EPHA6: variants seen among roughly 807,000 people sequenced by gnomAD.
EPHA6 encodes EPH receptor A6, also known as ephrin type-A receptor 6.
A neutral mutation model predicts 112.0 loss-of-function variants in EPHA6; 50 were observed. The observed-to-expected ratio is 0.45, with a 90% CI of 0.36 to 0.56. The LOEUF (loss-of-function observed/expected upper bound fraction) is 0.56. Among genes scored for constraint, EPHA6 ranks in the 20% least tolerant of loss-of-function variants. The pLI is 0.00. For missense variants in EPHA6, 1,280 were observed against 1,417.4 expected (o/e 0.90, Z 1.56); for synonymous variants, 529 against 490.7 (o/e 1.08, Z -1.03).
chr3:96,928,390 A>G, intron 2 of EPHA6, among the ~76,000 whole-genome samples: 1 of 152,242 alleles, frequency 6.6e-6, no homozygotes, highest in South Asian at 2.1e-4. Flanking sequence ...CGCGAAAGTC[A>G]TTCAGGAGCA....
intron 11 of EPHA6, among the ~76,000 whole-genome samples, chr3:97,565,836 G>A (rs950765920): frequency 7.2e-5 from 11 of 152,012 alleles, no homozygotes; most frequent in African/African-American, 2.7e-4. Flanking sequence ...GAGCAACATG[G>A]TGAAACCCCG....
At chr3:97,571,329 C>T (rs910611996) in intron 11 of EPHA6, among the ~76,000 whole-genome samples, 2 of 150,872 alleles carry the variant, frequency 1.3e-5, no homozygotes, top group African/African-American at 4.9e-5. Context: ...AGAAAAAAGA[C>T]TATAGGGGTT....
intron 5 of EPHA6, among the ~76,000 whole-genome samples, chr3:97,367,464 G>A (rs920804881): frequency 1.5e-4 from 23 of 152,120 alleles, no homozygotes; most frequent in African/African-American, 1.9e-4. Context: ...GGCTTCTTTC[G>A]AGGCAGCTTC....
intron 3 of EPHA6, among the ~76,000 whole-genome samples, chr3:97,172,435 T>A (rs544951213): frequency 6.6e-6 from 1 of 152,078 alleles, no homozygotes; most frequent in South Asian, 2.1e-4. Context: ...TGCAACTATT[T>A]CAGGAATAGA....
At chr3:97,237,679 A>G (rs953219716) in intron 4 of EPHA6, among the ~76,000 whole-genome samples, 2 of 152,042 alleles carry the variant, frequency 1.3e-5, no homozygotes, top group East Asian at 3.9e-4. Flanking sequence ...AAGTTTATTA[A>G]TTTGCTTGAA....
intron 3 of EPHA6, among the ~76,000 whole-genome samples, chr3:97,214,038 T>TGTGTGTGTGTGTGTGTGAGAGA (rs1491420279): frequency 2.1e-4 from 16 of 77,840 alleles, no homozygotes; most frequent in African/African-American, 5.2e-4. Context: ...TGTGTGTGTG[T>TGTGTGTGTGTGTGTGTGAGAGA]GAGAGAGAGA....
At chr3:97,027,566 G>A (rs1035253874) in intron 3 of EPHA6, among the ~76,000 whole-genome samples, 1 of 152,190 alleles carries the variant, frequency 6.6e-6, no homozygotes, top group African/African-American at 2.4e-5. Context: ...AAGAATACTA[G>A]TGTCAGTAGG....
chr3:97,390,088 A>G (rs1165707350), intron 5 of EPHA6, among the ~76,000 whole-genome samples: 1 of 152,080 alleles, frequency 6.6e-6, no homozygotes, highest in Non-Finnish European at 1.5e-5. Flanking sequence ...GAACAAAATG[A>G]CCCATATCCT....
At chr3:97,699,428 C>T (rs2033235147) in intron 14 of EPHA6, among the ~76,000 whole-genome samples, 1 of 152,138 alleles carries the variant, frequency 6.6e-6, no homozygotes, top group Admixed American at 6.6e-5. Flanking sequence ...ATCCACCCAA[C>T]AATCCTATAA....
chr3:96,865,132 A>G (rs2036231305), intron 1 of EPHA6, among the ~76,000 whole-genome samples: 1 of 152,114 alleles, frequency 6.6e-6, no homozygotes, highest in African/African-American at 2.4e-5. Flanking sequence ...TCTCACAATA[A>G]AAATTGATTA....
chr3:97,074,829 A>T (rs1242378942), intron 3 of EPHA6, among the ~76,000 whole-genome samples: 1 of 151,986 alleles, frequency 6.6e-6, no homozygotes, highest in African/African-American at 2.4e-5. Flanking sequence ...CTGGATATCT[A>T]AAAACAGTTA....
intron 14 of EPHA6, among the ~76,000 whole-genome samples, chr3:97,669,261 GT>G (rs932649465): frequency 1.9e-4 from 28 of 144,306 alleles, no homozygotes; most frequent in African/African-American, 4.9e-4. Context: ...TTTCTGTTTT[GT>G]TTTTTTTTTC....
chr3:97,243,876 T>C, intron 4 of EPHA6, 76 bp from the exon 5 acceptor site: 1 of 1,079,872 alleles, frequency 9.3e-7, no homozygotes. Context: ...AAGTGTTTAT[T>C]GATGAAGTTT....
chr3:96,844,033 T>A (rs2034920137), intron 1 of EPHA6, among the ~76,000 whole-genome samples: 1 of 152,012 alleles, frequency 6.6e-6, no homozygotes, highest in South Asian at 2.1e-4. Context: ...TTGAGTCCCT[T>A]GTCTTAACAC....
At position 97,756,416 on chromosome 3, in the gene EPHA6, T is replaced by C. The variant is rs1022413798; in HGVS notation, c.*7715T>C. ...ATCAAGAGCTATTACTGCAATAACC[T>C]CAAAGTATCTTTAAGACAATGCTGA... is the stretch of plus-strand genomic sequence containing the variant. On this transcript the variant is annotated 3_prime_UTR_variant, in exon 18 of 18. Transcript: ENST00000389672. Among the ~76,000 whole-genome samples, 2 of 151,966 alleles carry C rather than the reference T, an allele frequency of 1.3e-5. No individual in the cohort carries two copies. Among genetic ancestry groups the C allele is most frequent in the Non-Finnish European group, 2.9e-5 (2 of 67,828 alleles).
chr3:97,311,892 A>G (rs1443198911), intron 5 of EPHA6, among the ~76,000 whole-genome samples: 1 of 151,706 alleles, frequency 6.6e-6, no homozygotes, highest in Non-Finnish European at 1.5e-5. Context: ...TTGAATGAGA[A>G]TACACCGGAT....
intron 3 of EPHA6, among the ~76,000 whole-genome samples, chr3:97,210,332 G>A (rs2077833742): frequency 6.6e-6 from 1 of 152,116 alleles, no homozygotes; most frequent in Admixed American, 6.6e-5. Flanking sequence ...AAAAATGAGA[G>A]TGAAGTGAAG....
chr3:97,662,797 G>A (rs893373940), intron 14 of EPHA6, among the ~76,000 whole-genome samples: 1 of 152,148 alleles, frequency 6.6e-6, no homozygotes, highest in Non-Finnish European at 1.5e-5. Context: ...TCCAAGTGAC[G>A]AGCTATGTAG....
At chr3:97,493,239 TG>T (rs2091897150) in intron 10 of EPHA6, among the ~76,000 whole-genome samples, 1 of 151,808 alleles carries the variant, frequency 6.6e-6, no homozygotes, top group Admixed American at 6.6e-5. Context: ...TACATGTAAA[TG>T]TGTTTGTGTT....
Sources: allele counts gnomAD v4.1 joint callset (sites outside exome capture counted in the v4.1 genomes callset), GRCh38; gene constraint gnomAD v4.1.1; transcripts MANE v1.5; gene names NCBI Gene and HGNC (gene_info 2026-07-23, HGNC 2026-07-21).